Variants in TPRX1 observed in about 807,000 individuals in gnomAD.
TPRX1 encodes tetra-peptide repeat homeobox protein 1.
Under a neutral mutation model 8.1 loss-of-function variants are expected in TPRX1, and 2 were observed. The ratio of observed to expected loss-of-function variants is 0.25; its 90% CI spans 0.10 to 0.78. The LOEUF is 0.78. Ranked by LOEUF, TPRX1 falls within the 30% of genes least tolerant of loss-of-function variation. TPRX1 has a pLI of 0.70. For synonymous variants in TPRX1, 257 were observed against 254.1 expected (o/e 1.01, Z -0.11); for missense variants, 517 against 586.9 (o/e 0.88, Z 1.23).
intron 2 of TPRX1, among the ~76,000 whole-genome samples, chr19:47,815,140 ATATGCAAATATATATATATATAT>A (rs1449660749): frequency 9.8e-6 from 1 of 102,476 alleles, no homozygotes; most frequent in Non-Finnish European, 1.9e-5. Flanking sequence ...ATATATATAT[ATATGCAAATATATATATATATAT>A]TTTTTTTTTT....
At chr19:47,806,146 C>T (rs928708739) in intron 2 of TPRX1, among the ~76,000 whole-genome samples, 8 of 152,020 alleles carry the variant, frequency 5.3e-5, no homozygotes, top group Non-Finnish European at 8.8e-5. Context: ...TGGTTGAACC[C>T]GGGAGGCGGA....
At chr19:47,813,115 A>G (rs1267630264) in intron 2 of TPRX1, among the ~76,000 whole-genome samples, 1 of 129,390 alleles carries the variant, frequency 7.7e-6, no homozygotes, top group Non-Finnish European at 1.8e-5. Flanking sequence ...TCAAAAATAA[A>G]TAAATAAATA....
At chr19:47,816,764 C>T (rs565526564) in intron 2 of TPRX1, among the ~76,000 whole-genome samples, 1 of 151,244 alleles carries the variant, frequency 6.6e-6, no homozygotes, top group East Asian at 2.0e-4. Flanking sequence ...GATCTCCTGA[C>T]CTCGTGATCT....
intron 2 of TPRX1, among the ~76,000 whole-genome samples, chr19:47,815,686 C>CCT (rs1967833870): frequency 6.8e-6 from 1 of 146,806 alleles, no homozygotes; most frequent in South Asian, 2.2e-4. Context: ...GTGGTGTGCA[C>CCT]CTGTAGTTCC....
chr19:47,811,032 C>T (rs1395854076), intron 2 of TPRX1, among the ~76,000 whole-genome samples: 2 of 148,734 alleles, frequency 1.3e-5, no homozygotes, highest in East Asian at 2.0e-4. Flanking sequence ...GAGACAGGAT[C>T]TCTCTCTGTC....
At chr19:47,813,164 C>G (rs1599955815) in intron 2 of TPRX1, among the ~76,000 whole-genome samples, 1 of 136,300 alleles carries the variant, frequency 7.3e-6, no homozygotes, top group South Asian at 2.4e-4. Context: ...ACAACCCCCC[C>G]CACCCCGCCA....
chr19:47,802,630 G>A, exon 4 of TPRX1: 2 of 1,551,774 alleles, frequency 1.3e-6, no homozygotes, highest in Non-Finnish European at 1.7e-6. Flanking sequence ...TCGGGCTTGG[G>A]ATCTGAGCTG....
chr19:47,814,838 C>T (rs921045086), intron 2 of TPRX1, among the ~76,000 whole-genome samples: 1 of 151,960 alleles, frequency 6.6e-6, no homozygotes, highest in South Asian at 2.1e-4. Context: ...TCGCTCTTGT[C>T]GCCCAGGCTG....
At chr19:47,814,832 T>G (rs1967816701) in intron 2 of TPRX1, among the ~76,000 whole-genome samples, 1 of 152,048 alleles carries the variant, frequency 6.6e-6, no homozygotes, top group South Asian at 2.1e-4. Flanking sequence ...TGAGTTTCGC[T>G]CTTGTCGCCC....
intron 2 of TPRX1, among the ~76,000 whole-genome samples, chr19:47,814,751 G>A (rs1967816023): frequency 6.6e-6 from 1 of 152,090 alleles, no homozygotes; most frequent in Non-Finnish European, 1.5e-5. Context: ...TTGCATTTTG[G>A]AGCTGTCCAA....
At chr19:47,818,556 G>A (rs547468698) in intron 1 of TPRX1, 1 of 456,046 alleles carries the variant, frequency 2.2e-6, no homozygotes, top group Admixed American at 2.4e-5. Flanking sequence ...GGGCAGACAA[G>A]AAACAAGATG....
At chr19:47,802,619 A>T (rs1196650778) in exon 4 of TPRX1, 2 of 1,547,198 alleles carry the variant, frequency 1.3e-6, no homozygotes, top group Non-Finnish European at 8.7e-7. Flanking sequence ...TGGGGCTGGG[A>T]TCGGGCTTGG....
intron 2 of TPRX1, among the ~76,000 whole-genome samples, chr19:47,808,667 G>A (rs914386398): frequency 2.3e-5 from 3 of 132,174 alleles, no homozygotes; most frequent in Non-Finnish European, 5.3e-5. Context: ...TGTTGGCCAG[G>A]CTGGTCTTGA....
chr19:47,816,681 C>G (rs1012394385), intron 2 of TPRX1, among the ~76,000 whole-genome samples: 1 of 151,858 alleles, frequency 6.6e-6, no homozygotes, highest in Non-Finnish European at 1.5e-5. Context: ...TACAGGCGCC[C>G]GCCACCACGC....
exon 4 of TPRX1, chr19:47,802,087 T>C: frequency 1.3e-6 from 2 of 1,593,816 alleles, no homozygotes; most frequent in South Asian, 1.1e-5. Flanking sequence ...GGCCTGAGCC[T>C]GGGCCTAAAA....
exon 4 of TPRX1, chr19:47,802,373 C>T: frequency 2.3e-6 from 3 of 1,288,500 alleles, no homozygotes; most frequent in Non-Finnish European, 3.2e-6. Flanking sequence ...TGAGATTGGG[C>T]CTGAGATTGG....
chr19:47,812,083 C>A (rs1445008192), intron 2 of TPRX1, among the ~76,000 whole-genome samples: 2 of 151,418 alleles, frequency 1.3e-5, no homozygotes, highest in African/African-American at 4.9e-5. Flanking sequence ...TCAGGCTGGT[C>A]TTGAACTCCT....
chr19:47,813,642 C>T (rs923222771), intron 2 of TPRX1, among the ~76,000 whole-genome samples: 9 of 151,948 alleles, frequency 5.9e-5, no homozygotes, highest in Non-Finnish European at 1.2e-4. Flanking sequence ...CCTCAGTTTC[C>T]CCTCCTCGTT....
chr19:47,803,123 C>A, intron 3 of TPRX1, 143 bp from the exon 3 acceptor site: 1 of 935,910 alleles, frequency 1.1e-6, no homozygotes, highest in Non-Finnish European at 1.5e-6. Flanking sequence ...AGGGCCCCGG[C>A]TCCAAGGCCT....
Sources: allele counts gnomAD v4.1 joint callset (sites outside exome capture counted in the v4.1 genomes callset), GRCh38; gene constraint gnomAD v4.1.1; transcripts MANE v1.5; gene names NCBI Gene and HGNC (gene_info 2026-07-23, HGNC 2026-07-21).